Variants in EIF2D observed in about 807,000 individuals in gnomAD.
EIF2D encodes the protein hepatocellular carcinoma-associated antigen 56.
EIF2D carries 56 observed loss-of-function variants against 77.4 expected under a neutral mutation model. The observed-to-expected ratio is 0.72, with a 90% CI of 0.58 to 0.90. EIF2D has a LOEUF of 0.90. EIF2D is among the 40% of genes least tolerant of loss of function. EIF2D has a pLI of 0.00. For synonymous variants in EIF2D, 230 were observed against 271.0 expected, an observed-to-expected ratio of 0.85 and a Z score of 1.49; for missense variants, 574 against 706.5, an observed-to-expected ratio of 0.81 and a Z score of 2.13.
intron 7 of EIF2D, chr1:206,601,145 T>C (rs1669901967): frequency 6.6e-6 from 1 of 152,112 alleles, no homozygotes; most frequent in Non-Finnish European, 1.5e-5. Context: ...TCAGAACAGA[T>C]TACCAAGTAT....
At chr1:206,569,848 T>C (rs1668392384), downstream of EIF2D, among the ~76,000 whole-genome samples, 5 of 151,994 alleles carry the variant, frequency 3.3e-5, no homozygotes, top group Admixed American at 2.6e-4. Context: ...TCATTTTGCA[T>C]CCCAGGAGAG....
rs1450375449 is a variant in EIF2D, at chr1:206,612,306, C to T, written c.37G>A (p.Ala13Thr). 16 of 1,614,146 alleles carry T rather than the reference C, an allele frequency of 9.9e-6. No individual in the cohort carries two copies. Among genetic ancestry groups the T allele is most frequent in the Non-Finnish European group, 1.4e-5 (16 of 1,180,052 alleles). Residue 13 changes from alanine to threonine, a missense_variant, in exon 1 of 15, where the codon GCC (alanine) becomes ACC (threonine). Coordinates refer to ENST00000271764, the MANE Select transcript of EIF2D (RefSeq NM_006893.3). ...CCTCACCTGTCCGACCCCTTGATGG[C>T]CGTGTTGGACTTGACCCGAAAGGCC... is the stretch of plus-strand genomic sequence containing the variant. ...AKAFRVKSNT[A>T]IKGSDRRKLR... is the part of the protein sequence containing the mutation.
Position 206,603,145 on chromosome 1 carries a change from T to A in EIF2D, c.590A>T (p.Asp197Val), listed in dbSNP as rs1553411814. 16 of 1,614,104 alleles carry A rather than the reference T, an allele frequency of 9.9e-6. No individual in the cohort carries two copies. The highest frequency in any genetic ancestry group is 1.4e-5 in the Non-Finnish European group (16 of 1,180,018). Reference protein sequence around the residue: ...SIAPLALDSADLSEEKGSVQM... With the variant: ...SIAPLALDSAVLSEEKGSVQM... ...GACAGACCCCTTCTCTTCACTGAGA[T>A]CTGCTGAATCCAGGGCCAGTGGAGC... Residue 197 changes from aspartate to valine, a missense_variant, in exon 6 of 15, where the codon GAT (aspartate) becomes GTT (valine). Transcript: ENST00000271764.
At chr1:206,574,915 A>G (rs1170809380) in intron 4 of EIF2D, among the ~76,000 whole-genome samples, 8 of 137,360 alleles carry the variant, frequency 5.8e-5, no homozygotes, top group African/African-American at 2.2e-4. Context: ...GCTGGAGTGC[A>G]GTGGCGCAAT....
In EIF2D at chr1:206,603,109, G is replaced by T. The variant is rs377591079; in HGVS notation, c.626C>A (p.Ser209Tyr). The T allele has an allele frequency of 5.6e-6, 9 of 1,614,092 alleles. No individual in the cohort carries two copies. Among genetic ancestry groups the T allele is most frequent in the Admixed American group, 1.7e-5 (1 of 60,026 alleles). The change falls in exon 6 of 15, where the codon TCC becomes TAC. Residue 209 changes from serine (S) to tyrosine (Y), a missense_variant. Ser to Tyr is a moderately radical substitution (Grantham distance 144). Coordinates refer to ENST00000271764, the MANE Select transcript of EIF2D (RefSeq NM_006893.3). ...GTGCCTCATGTCTCCCTGCAGGGTG[G>T]AGTCCATCTGGACAGACCCCTTCTC... ...SEEKGSVQMD[S>Y]TLQGDMRHMT... is the part of the protein sequence containing the mutation.
Position 206,592,058 on chromosome 1 carries a change from A to AT in EIF2D, c.1685-214dup, listed in dbSNP as rs1669363742. On this transcript the variant is annotated intron_variant, in intron 14 of 14. Coordinates refer to ENST00000271764, the MANE Select transcript of EIF2D (RefSeq NM_006893.3). The surrounding 1 kb of genome is among the most constrained non-coding windows in gnomAD (Gnocchi z 4.7). ...TCTGGGTGTATTTCAGGCATTTATA[A>AT]TTTTTTCACGAGAGAGAATGTGTCT... Among the ~76,000 whole-genome samples the AT allele has an allele frequency of 6.6e-6, 1 of 152,102 alleles. No individual in the cohort carries two copies. Among genetic ancestry groups the AT allele is most frequent in the East Asian group, 1.9e-4 (1 of 5,200 alleles).
chr1:206,586,134 G>A (rs1312930039), intron 2 of EIF2D: 3 of 152,286 alleles, frequency 2.0e-5, no homozygotes, highest in Non-Finnish European at 4.4e-5. Context: ...GTGGACTTGA[G>A]GTTTCTCACT....
intron 1 of EIF2D, 57 bp downstream of exon 1, chr1:206,612,230 G>A (rs1414808506): frequency 2.3e-5 from 37 of 1,604,476 alleles, no homozygotes; most frequent in Middle Eastern, 1.7e-4. Context: ...ATGGGCCAGC[G>A]GGGCCCAAGA....
chr1:206,589,399 G>A (rs527302640), downstream of EIF2D: 3 of 152,640 alleles, frequency 2.0e-5, no homozygotes, highest in African/African-American at 7.2e-5. Context: ...TTGCCAGTGA[G>A]CAGAGAAATG....
At chr1:206,589,639 T>C (rs1309478547), downstream of EIF2D, among the ~76,000 whole-genome samples, 1 of 151,308 alleles carries the variant, frequency 6.6e-6, no homozygotes, top group Non-Finnish European at 1.5e-5. Flanking sequence ...TCTGGAATTA[T>C]TTAAAAATAA....
At chr1:206,580,360 A>AT (rs782328922) in intron 4 of EIF2D, among the ~76,000 whole-genome samples, 31 of 152,238 alleles carry the variant, frequency 2.0e-4, no homozygotes, top group Non-Finnish European at 4.3e-4. Context: ...TCCATTACTT[A>AT]TTTTTTATAG....
chr1:206,593,751 A>G lies in EIF2D; in HGVS notation c.1552T>C (p.Tyr518His). 6.2e-7 allele frequency: 1 copy of G among 1,613,542 alleles called. No individual in the cohort carries two copies. The highest frequency in any genetic ancestry group is 8.5e-7 in the Non-Finnish European group (1 of 1,179,794). Residue 518 changes from tyrosine (Y) to histidine (H), a missense_variant, in exon 14 of 15, where the codon TAC (tyrosine) becomes CAC (histidine). Physicochemically the swap from Tyr to His is moderately conservative, Grantham distance 83. Transcript: ENST00000271764. ...TGCTGAAGGATGGCAGCCACTGAGT[A>G]TGGGTCCAGACCATAGGCCTCCAAG... is the stretch of plus-strand genomic sequence containing the variant. Reference protein sequence around the residue: ...RNLEAYGLDPYSVAAILQQRC... With the variant: ...RNLEAYGLDPHSVAAILQQRC...
chr1:206,600,219 T>C (rs782784897), intron 8 of EIF2D, 44 bp downstream of exon 8: 2 of 1,595,966 alleles, frequency 1.3e-6, no homozygotes, highest in African/African-American at 2.7e-5. Flanking sequence ...TATGTGCCCC[T>C]ACACAACTCT....
intron 2 of EIF2D, among the ~76,000 whole-genome samples, chr1:206,582,296 A>T (rs1262060816): frequency 6.6e-6 from 1 of 152,124 alleles, no homozygotes; most frequent in Non-Finnish European, 1.5e-5. Context: ...TATCCTTCCC[A>T]GGGGGTGGGA....
At chr1:206,577,272 A>G (rs554370030) in intron 4 of EIF2D, among the ~76,000 whole-genome samples, 1 of 152,328 alleles carries the variant, frequency 6.6e-6, no homozygotes, top group Non-Finnish European at 1.5e-5. Context: ...GTGCAGAGAA[A>G]GGAATTAACA....
chr1:206,603,344 C>A (rs782470231), intron 5 of EIF2D, 140 bp from the exon 6 acceptor site: 266 of 1,151,678 alleles, frequency 2.3e-4, no homozygotes, highest in Non-Finnish European at 3.0e-4. Context: ...AGAGCCTGTG[C>A]CCTCATCTCA....
In EIF2D at chr1:206,584,637, A is replaced by G. The variant is rs1669031741; in HGVS notation, c.139-3475T>C. Reference sequence around the variant, plus strand: ...CTCAAGAAGTTCATGGTTGTGGACAATCCCCAGAAGTTTGCACTTTTTAAG... The same window carrying G: ...CTCAAGAAGTTCATGGTTGTGGACAGTCCCCAGAAGTTTGCACTTTTTAAG... On this transcript the variant is annotated intron_variant and NMD_transcript_variant, in intron 2 of 5. Transcript: ENST00000472709. This position sits in a 1 kb window ranked among gnomAD's most constrained non-coding sequence, Gnocchi z 4.9. The G allele has an allele frequency of 6.2e-7, 1 of 1,614,222 alleles. No individual in the cohort carries two copies. Among genetic ancestry groups the G allele is most frequent in the Non-Finnish European group, 8.5e-7 (1 of 1,180,046 alleles).
chr1:206,571,441 C>G (rs1392427918), exon 6 of EIF2D: 1 of 152,122 alleles, frequency 6.6e-6, no homozygotes. Flanking sequence ...CACTCACTCA[C>G]CTACCCACCG....
chr1:206,583,471 C>A, intron 2 of EIF2D: 1 of 858,042 alleles, frequency 1.2e-6, no homozygotes, highest in Non-Finnish European at 2.0e-6. Context: ...TGTGGCTACT[C>A]CCTGGCAGGT....
Sources: allele counts gnomAD v4.1 joint callset (sites outside exome capture counted in the v4.1 genomes callset), GRCh38; gene constraint gnomAD v4.1.1; non-coding constraint Gnocchi (gnomAD v3.1); transcripts MANE v1.5; gene names NCBI Gene and HGNC (gene_info 2026-07-23, HGNC 2026-07-21).